MYO1E: variants seen among roughly 807,000 people sequenced by gnomAD.
MYO1E encodes myosin IE, also known as unconventional myosin-Ie.
In MYO1E, 68 loss-of-function variants were observed where a neutral mutation model predicts 151.1. That is an observed-to-expected ratio of 0.45 (90% CI 0.37 to 0.55). The LOEUF (loss-of-function observed/expected upper bound fraction) is 0.55, where lower values mean the gene tolerates loss of function less well. Among genes scored for constraint, MYO1E ranks in the 20% least tolerant of loss-of-function variants. The probability of loss-of-function intolerance (pLI) is 0.00; values close to 1 mark genes in which losing one functional copy is unlikely to be tolerated. For missense variants in MYO1E, 1,363 were observed against 1,389.3 expected (o/e 0.98, Z 0.30); for synonymous variants, 601 against 501.7 (o/e 1.20, Z -2.64).
chr15:59,314,588 G>A (rs1169215352), intron 1 of MYO1E, among the ~76,000 whole-genome samples: 1 of 152,032 alleles, frequency 6.6e-6, no homozygotes, highest in African/African-American at 2.4e-5. Context: ...GGACTGAGTG[G>A]TCAGTGGCTT....
At position 59,191,055 on chromosome 15, in the gene MYO1E, C is replaced by T. The variant is rs147436945; in HGVS notation, c.1806-2839G>A. Among the ~76,000 whole-genome samples, 497 of 152,180 alleles carry T rather than the reference C, an allele frequency of 3.3e-3. 2 individuals carry two copies. The highest frequency in any genetic ancestry group is 5.0e-3 in the Non-Finnish European group (341 of 67,992). On this transcript the variant is annotated intron_variant, in intron 17 of 27. Coordinates refer to ENST00000288235, the MANE Select transcript of MYO1E (RefSeq NM_004998.4). ...CAACCTTGGCTGATGGGAAGGATGT[C>T]ACAATGGGAGTGGTGTTTAAGAGTC...
chr15:59,161,328 A>ACATGAGG (rs2079537159), intron 23 of MYO1E, 98 bp from the exon 24 acceptor site: 27 of 1,355,366 alleles, frequency 2.0e-5, no homozygotes, highest in African/African-American at 2.9e-5. Context: ...AAAAGCATAA[A>ACATGAGG]CATGAGGCGA....
rs550333174 is a variant in MYO1E at position 59,332,872 on chromosome 15, T to C, written c.3+39626A>G. 7.9e-5 allele frequency among the ~76,000 whole-genome samples: 12 copies of C among 152,264 alleles called. 1 individual carries two copies. In the South Asian group the frequency reaches 1.5e-3, roughly 18 times the overall value. On this transcript the variant is annotated intron_variant, in intron 1 of 27. Transcript: ENST00000288235. ...GCCACCACGACCGGCCCTGGGATTCTATTGGATGCAGCCAATTTCTTTGTC... is the reference window on the plus strand; with the variant it reads ...GCCACCACGACCGGCCCTGGGATTCCATTGGATGCAGCCAATTTCTTTGTC...
rs773105280 is a variant in MYO1E, at chr15:59,208,815, C to A, written c.1396G>T (p.Val466Leu). Residue 466 changes from valine to leucine, a missense_variant, in exon 14 of 28, where the codon GTG becomes TTG. Physicochemically the swap from Val to Leu is conservative, Grantham distance 32. Coordinates refer to ENST00000288235, the MANE Select transcript of MYO1E (RefSeq NM_004998.4). ...CCCACCGCATGCATCGTGGCGCACA[C>A]GTCATCCAGGATGCTCATGATGCCA... Reference protein sequence around the residue: ...PPGIMSILDDVCATMHAVGEG... With the variant: ...PPGIMSILDDLCATMHAVGEG... 1.2e-6 allele frequency: 2 copies of A among 1,614,182 alleles called. No homozygotes were observed. Among genetic ancestry groups the A allele is most frequent in the Admixed American group, 1.7e-5 (1 of 60,018 alleles).
In MYO1E at chr15:59,232,971, G is replaced by A. The variant is rs117162185; in HGVS notation, c.421-1180C>T. On this transcript the variant is annotated intron_variant, in intron 5 of 27. Transcript: ENST00000288235. ...CATGGCACCAAGGGCAATTCTGGGT[G>A]GTCCTTTCATGGGTCAGTTTCAAAG... Among the ~76,000 whole-genome samples the A allele has an allele frequency of 9.7e-3, 1,481 of 152,188 alleles. 12 individuals carry two copies. The highest frequency in any genetic ancestry group is 0.016 in the South Asian group (75 of 4,802).
At chr15:59,243,376 A>G (rs2080111543) in intron 4 of MYO1E, among the ~76,000 whole-genome samples, 3 of 152,182 alleles carry the variant, frequency 2.0e-5, no homozygotes, top group African/African-American at 7.2e-5. Context: ...TGTATCATGC[A>G]TGTCAGAGAC....
intron 4 of MYO1E, among the ~76,000 whole-genome samples, chr15:59,254,392 T>G (rs747582725): frequency 6.6e-6 from 1 of 152,150 alleles, no homozygotes; most frequent in African/African-American, 2.4e-5. Context: ...GTTTGCTATG[T>G]TGTCCGGGCT....
chr15:59,158,099 A>C lies in MYO1E; in HGVS notation c.2878+188T>G, dbSNP rs541807737. Among the ~76,000 whole-genome samples, 5 of 152,270 alleles carry C rather than the reference A, an allele frequency of 3.3e-5. No individual in the cohort carries two copies. The South Asian group carries it at 1.0e-3, about 32-fold the overall frequency. Reference sequence around the variant, plus strand: ...GCAAACTCAGCCGCAGTTCAGTCTCACTGACTCCTATTTTTCTGAATTTTG... The same window carrying C: ...GCAAACTCAGCCGCAGTTCAGTCTCCCTGACTCCTATTTTTCTGAATTTTG... On this transcript the variant is annotated intron_variant, in intron 25 of 27. Coordinates refer to ENST00000288235, the MANE Select transcript of MYO1E (RefSeq NM_004998.4).
intron 1 of MYO1E, among the ~76,000 whole-genome samples, chr15:59,287,460 C>T (rs1018236315): frequency 2.0e-5 from 3 of 152,344 alleles, no homozygotes; most frequent in South Asian, 2.1e-4. Flanking sequence ...AAGATCAGCA[C>T]GGCTTCACTG....
At chr15:59,223,452 G>C (rs925405521) in intron 8 of MYO1E, among the ~76,000 whole-genome samples, 1 of 152,150 alleles carries the variant, frequency 6.6e-6, no homozygotes, top group Non-Finnish European at 1.5e-5. Context: ...TCAAAGTCAT[G>C]CTGGAAGGGC....
rs146713915 is a variant in MYO1E, at chr15:59,206,250, G to C, written c.1531-765C>G. Among the ~76,000 whole-genome samples the C allele has an allele frequency of 1.0e-3, 154 of 152,254 alleles. 1 individual carries two copies. Among genetic ancestry groups the C allele is most frequent in the African/African-American group, 3.5e-3 (145 of 41,552 alleles). ...CTGTGATTCCAGCAAGAGGCAAGAC[G>C]AAAATCCATTTATTCAGCAGCTAAT... On this transcript the variant is annotated intron_variant, in intron 14 of 27. Transcript: ENST00000288235.
intron 7 of MYO1E, among the ~76,000 whole-genome samples, chr15:59,225,808 A>G (rs1398732209): frequency 1.3e-5 from 2 of 151,886 alleles, no homozygotes; most frequent in African/African-American, 2.4e-5. Flanking sequence ...CACCACGGCC[A>G]GCTAATTTTT....
intron 4 of MYO1E, among the ~76,000 whole-genome samples, chr15:59,237,742 AAG>A (rs1393935007): frequency 2.6e-5 from 4 of 152,264 alleles, no homozygotes; most frequent in Non-Finnish European, 5.9e-5. Context: ...TACTCAAGGA[AAG>A]AGAAAACATT....
At chr15:59,339,344 A>T (rs2140427940) in intron 1 of MYO1E, among the ~76,000 whole-genome samples, 1 of 152,348 alleles carries the variant, frequency 6.6e-6, no homozygotes, top group East Asian at 1.9e-4. Flanking sequence ...TTTTCTAACC[A>T]AATATTTGAC....
chr15:59,356,322 G>A (rs1478660195), intron 1 of MYO1E, among the ~76,000 whole-genome samples: 3 of 151,714 alleles, frequency 2.0e-5, no homozygotes, highest in African/African-American at 7.3e-5. Context: ...GGAGTGGGGA[G>A]TGACACACAT....
At chr15:59,272,127 A>AT (rs1480956251) in intron 2 of MYO1E, 179 bp downstream of exon 2, 6 of 638,018 alleles carry the variant, frequency 9.4e-6, no homozygotes, top group Non-Finnish European at 1.6e-5. Flanking sequence ...TTTTATTTTT[A>AT]TTTTTTATAA....
At chr15:59,357,146 T>C (rs1157396747) in intron 1 of MYO1E, among the ~76,000 whole-genome samples, 2 of 152,036 alleles carry the variant, frequency 1.3e-5, no homozygotes, top group African/African-American at 2.4e-5. Flanking sequence ...CCTCAGGTGA[T>C]CCACCCACCT....
At position 59,132,531 on chromosome 15, in the gene MYO1E, T is replaced by A. The variant is rs749397082; in HGVS notation, c.*4849A>T. 1 of 152,202 alleles carries A rather than the reference T, an allele frequency of 6.6e-6. No homozygotes were observed. The highest frequency in any genetic ancestry group is 1.5e-5 in the Non-Finnish European group (1 of 68,038). 9.4% of individuals were successfully genotyped at this position (152,202 alleles called of 1,614,324 possible). A position where few individuals can be genotyped will look rare whatever the true frequency, so the allele number is the denominator to read the frequency against. On this transcript the variant is annotated 3_prime_UTR_variant, in exon 28 of 28. Coordinates refer to ENST00000288235, the MANE Select transcript of MYO1E (RefSeq NM_004998.4). The stretch of plus-strand genomic sequence containing the variant: ...ATAAAAAAAGACCTTTAAGATACTT[T>A]CTTAGATGGCACAGCAGGCACCCCA...
intron 21 of MYO1E, 99 bp from the exon 22 acceptor site, chr15:59,172,141 G>A (rs1281395968): frequency 7.3e-7 from 1 of 1,369,770 alleles, no homozygotes; most frequent in South Asian, 1.2e-5. Flanking sequence ...TGAATCACCT[G>A]AGGTCAGGAG....
Sources: gnomAD v4.1 joint callset for allele counts (sites outside exome capture counted in the v4.1 genomes callset) on GRCh38, gnomAD v4.1.1 for gene constraint, MANE v1.5 for transcripts, NCBI Gene and HGNC (gene_info 2026-07-23, HGNC 2026-07-21) for gene names.